BCAS3: variants seen among roughly 807,000 people sequenced by gnomAD.
BCAS3 encodes the protein BCAS4/BCAS3 fusion.
BCAS3 carries 53 observed loss-of-function variants against 116.1 expected under a neutral mutation model. That is an observed-to-expected ratio of 0.46 (90% confidence interval 0.37 to 0.57). The LOEUF (loss-of-function observed/expected upper bound fraction) is 0.57, where lower values mean the gene tolerates loss of function less well. Among genes scored for constraint, BCAS3 ranks in the 20% least tolerant of loss-of-function variants. The probability of loss-of-function intolerance (pLI) is 0.00; values close to 1 mark genes in which losing one functional copy is unlikely to be tolerated. For synonymous variants in BCAS3, 391 were observed against 408.2 expected, an observed-to-expected ratio of 0.96 and a Z score of 0.51; for missense variants, 917 against 1,165.4, an observed-to-expected ratio of 0.79 and a Z score of 3.10.
chr17:60,734,967 C>G (rs1203213042), intron 5 of BCAS3, among the ~76,000 whole-genome samples: 1 of 152,106 alleles, frequency 6.6e-6, no homozygotes, highest in Non-Finnish European at 1.5e-5. Context: ...TATGGAATGT[C>G]TCTTCATTTA....
rs2145309162 is a variant in BCAS3, at chr17:60,961,770, C to T, written c.1221+14418C>T. Among the ~76,000 whole-genome samples the T allele has an allele frequency of 6.6e-6, 1 of 152,074 alleles. No individual in the cohort carries two copies. Among genetic ancestry groups the T allele is most frequent in the African/African-American group, 2.4e-5 (1 of 41,500 alleles). On this transcript the variant is annotated intron_variant, in intron 14 of 23. Coordinates refer to ENST00000407086, the MANE Select transcript of BCAS3 (RefSeq NM_017679.5). The surrounding 1 kb of genome is among the most constrained non-coding windows in gnomAD (Gnocchi z 4.8). ...ATTCTACTCTCTATCTTCATGAGGCCCACTGCTTTTTTTTTTTCACATCAG... is the reference window on the plus strand; with the variant it reads ...ATTCTACTCTCTATCTTCATGAGGCTCACTGCTTTTTTTTTTTCACATCAG...
Position 61,359,708 on chromosome 17 carries a change from C to T in BCAS3, c.2426-8619C>T, listed in dbSNP as rs369929675. 2.0e-5 allele frequency among the ~76,000 whole-genome samples: 3 copies of T among 152,204 alleles called. No homozygotes were observed. In the East Asian group the frequency reaches 5.8e-4, roughly 29 times the overall value. On this transcript the variant is annotated intron_variant, in intron 22 of 23. Transcript: ENST00000407086. ...GTTTTGCCATGTTGGCCAGGCTGGT[C>T]TCAGACTCCTGACTTCAGGTGATCC...
chr17:60,771,658 C>T (rs56127952), intron 6 of BCAS3, among the ~76,000 whole-genome samples: 41,645 of 151,904 alleles, frequency 0.27, 11,410 homozygotes, highest in African/African-American at 0.71. Flanking sequence ...CCCATTAACT[C>T]GTCATTTACA....
At chr17:60,734,823 A>G (rs909454221) in intron 5 of BCAS3, among the ~76,000 whole-genome samples, 74 of 152,270 alleles carry the variant, frequency 4.9e-4, no homozygotes, top group African/African-American at 1.6e-3. Context: ...TTACCTCTCC[A>G]TAGAAACTTT....
intron 15 of BCAS3, among the ~76,000 whole-genome samples, chr17:61,001,197 G>T (rs1049823175): frequency 6.6e-6 from 1 of 152,094 alleles, no homozygotes; most frequent in African/African-American, 2.4e-5. Context: ...GAGACTCGGA[G>T]ACCTTTGTAC....
rs2055926315 is a variant in BCAS3 at position 61,328,543 on chromosome 17, G to A, written c.2426-39784G>A. Among the ~76,000 whole-genome samples the A allele has an allele frequency of 2.0e-5, 3 of 152,168 alleles. No individual in the cohort carries two copies. The South Asian group carries it at 6.2e-4, about 32-fold the overall frequency. ...ACGCTTTGTGAGGCCGAGGCTGGCG[G>A]ATCACTTGAGCCCAGGAGTTCAAGA... On this transcript the variant is annotated intron_variant, in intron 22 of 23. Coordinates refer to ENST00000407086, the MANE Select transcript of BCAS3 (RefSeq NM_017679.5).
At chr17:60,935,540 A>T (rs896015975) in intron 13 of BCAS3, among the ~76,000 whole-genome samples, 1 of 152,130 alleles carries the variant, frequency 6.6e-6, no homozygotes, top group Non-Finnish European at 1.5e-5. Context: ...TTGTTCTGTA[A>T]CATAGTCACA....
chr17:60,826,034 G>A (rs1187250992), intron 7 of BCAS3, among the ~76,000 whole-genome samples: 1 of 150,568 alleles, frequency 6.6e-6, no homozygotes, highest in African/African-American at 2.4e-5. Context: ...ATTTTTTTTT[G>A]TATTTTTAGT....
chr17:61,068,822 A>G lies in BCAS3; in HGVS notation c.2030-6098A>G, dbSNP rs2071005511. Among the ~76,000 whole-genome samples, 1 of 152,192 alleles carries G rather than the reference A, an allele frequency of 6.6e-6. No individual in the cohort carries two copies. The highest frequency in any genetic ancestry group is 1.5e-5 in the Non-Finnish European group (1 of 68,038). ...TCCTAATATTTGAGTGGTTAGAAGCATGGAAACTTTGCTCTTATCATATTT... is the reference window on the plus strand; with the variant it reads ...TCCTAATATTTGAGTGGTTAGAAGCGTGGAAACTTTGCTCTTATCATATTT... On this transcript the variant is annotated intron_variant, in intron 19 of 23. Coordinates refer to ENST00000407086, the MANE Select transcript of BCAS3 (RefSeq NM_017679.5). The surrounding 1 kb of genome is among the most constrained non-coding windows in gnomAD (Gnocchi z 4.3).
rs1173243039 is a variant in BCAS3 at position 60,889,584 on chromosome 17, C to T, written c.662-111C>T. ...AGTGTTACAGGAATTTTATGTGAGACTTGAAAAAATATAAGCATTTGATTT... is the reference window on the plus strand; with the variant it reads ...AGTGTTACAGGAATTTTATGTGAGATTTGAAAAAATATAAGCATTTGATTT... On this transcript the variant is annotated intron_variant, in intron 9 of 23. Transcript: ENST00000407086. 3.4e-6 allele frequency: 3 copies of T among 870,184 alleles called. No homozygotes were observed. The African/African-American group carries it at 5.0e-5, about 15-fold the overall frequency. The allele number at this position is 870,184 out of a possible 1,614,324, so 53.9% of individuals were successfully genotyped here.
At chr17:60,734,753 A>G (rs960696871) in intron 5 of BCAS3, among the ~76,000 whole-genome samples, 1 of 152,216 alleles carries the variant, frequency 6.6e-6, no homozygotes, top group Admixed American at 6.5e-5. Context: ...TTGAAATCAG[A>G]TAGCATCAGT....
intron 12 of BCAS3, among the ~76,000 whole-genome samples, chr17:60,921,954 G>T (rs1004334982): frequency 1.3e-5 from 2 of 151,948 alleles, no homozygotes; most frequent in African/African-American, 4.8e-5. Context: ...TAAAACAATT[G>T]TTAACACATA....
chr17:60,739,360 C>A (rs1186509627), intron 5 of BCAS3, among the ~76,000 whole-genome samples: 1 of 152,142 alleles, frequency 6.6e-6, no homozygotes, highest in African/African-American at 2.4e-5. Context: ...TGGCTCATGC[C>A]TGTAATCCCA....
chr17:60,696,045 G>T (rs936696775), intron 4 of BCAS3, among the ~76,000 whole-genome samples: 1 of 152,202 alleles, frequency 6.6e-6, no homozygotes, highest in Admixed American at 6.5e-5. Context: ...AGTTGGTGCA[G>T]TGGTTACTCA....
At chr17:60,835,502 T>A (rs1001894232) in intron 7 of BCAS3, among the ~76,000 whole-genome samples, 2 of 152,120 alleles carry the variant, frequency 1.3e-5, no homozygotes. Context: ...AAATATTACA[T>A]GTTTTAGCAA....
At chr17:60,915,418 C>A (rs901355221) in intron 12 of BCAS3, among the ~76,000 whole-genome samples, 4 of 151,898 alleles carry the variant, frequency 2.6e-5, no homozygotes, top group Admixed American at 2.0e-4. Context: ...ATTCATGTAA[C>A]CCCCACCACA....
At chr17:60,977,176 A>C (rs1234015979) in intron 14 of BCAS3, among the ~76,000 whole-genome samples, 1 of 152,064 alleles carries the variant, frequency 6.6e-6, no homozygotes, top group East Asian at 1.9e-4. Flanking sequence ...AATATTTTTT[A>C]AGCTTTTATT....
rs1178522512 is a variant in BCAS3, at chr17:61,333,229, G to T, written c.2426-35098G>T. 6.6e-6 allele frequency among the ~76,000 whole-genome samples: 1 copy of T among 152,200 alleles called. No individual in the cohort carries two copies. The highest frequency in any genetic ancestry group is 1.5e-5 in the Non-Finnish European group (1 of 68,044). On this transcript the variant is annotated intron_variant, in intron 22 of 23. Transcript: ENST00000407086. The surrounding 1 kb of genome is among the most constrained non-coding windows in gnomAD (Gnocchi z 4.8). The stretch of plus-strand genomic sequence containing the variant: ...GAGGAGCAAGTGCAGTTATGCACAG[G>T]GAGCAGCTGGTCCCTCAGACCTTGC...
rs118033837 is a variant in BCAS3, at chr17:60,737,608, G to A, written c.322-9590G>A. On this transcript the variant is annotated intron_variant, in intron 5 of 23. Transcript: ENST00000407086. The stretch of plus-strand genomic sequence containing the variant: ...TTAAGTTGTATTTTCATTTTCATTA[G>A]TTAAACATGTTTAAACATTTCTCTG... Among the ~76,000 whole-genome samples the A allele has an allele frequency of 2.3e-3, 342 of 151,970 alleles. 5 individuals are homozygous for A. Among genetic ancestry groups the A allele is most frequent in the East Asian group, 0.017 (87 of 5,184 alleles).
Sources: gnomAD v4.1 joint callset for allele counts (sites outside exome capture counted in the v4.1 genomes callset) on GRCh38, gnomAD v4.1.1 for gene constraint, Gnocchi (gnomAD v3.1) non-coding constraint, MANE v1.5 for transcripts, NCBI Gene and HGNC (gene_info 2026-07-23, HGNC 2026-07-21) for gene names.